DNAJC3: variants seen among roughly 807,000 people sequenced by gnomAD.
DNAJC3 encodes DnaJ heat shock protein family (Hsp40) member C3, also known as dnaJ homolog subfamily C member 3.
DNAJC3 carries 38 observed loss-of-function variants against 68.6 expected under a neutral mutation model. The ratio of observed to expected loss-of-function variants is 0.55; its 90% CI spans 0.43 to 0.73. The LOEUF (loss-of-function observed/expected upper bound fraction) is 0.73. DNAJC3 is among the 30% of genes least tolerant of loss of function. DNAJC3 has a pLI of 0.00. For missense variants in DNAJC3, 526 were observed against 591.9 expected, an observed-to-expected ratio of 0.89 and a Z score of 1.16; for synonymous variants, 203 against 204.0, an observed-to-expected ratio of 1.00 and a Z score of 0.04.
intron 1 of DNAJC3, among the ~76,000 whole-genome samples, chr13:95,685,811 T>G (rs1431872572): frequency 6.6e-6 from 1 of 151,962 alleles, no homozygotes; most frequent in Non-Finnish European, 1.5e-5. Flanking sequence ...TTTTAAGCTT[T>G]TTAGTAATAG....
At position 95,742,655 on chromosome 13, in the gene DNAJC3, T is replaced by C. The variant is rs777635305; in HGVS notation, c.394-14989T>C. The C allele has an allele frequency of 5.2e-5, 27 of 517,930 alleles. 1 individual carries two copies. The highest frequency in any genetic ancestry group is 3.8e-4 in the South Asian group (27 of 71,546). 32.1% of individuals were successfully genotyped at this position (517,930 alleles called of 1,614,324 possible). A position where few individuals can be genotyped will look rare whatever the true frequency, so the allele number is the denominator to read the frequency against. On this transcript the variant is annotated intron_variant, in intron 4 of 11. Transcript: ENST00000602402. ...TTAGGTGTTTCCTGTTCCTTCTCTGTTGGGACTCCAGCGTTCTCTCCTAGA... is the reference window on the plus strand; with the variant it reads ...TTAGGTGTTTCCTGTTCCTTCTCTGCTGGGACTCCAGCGTTCTCTCCTAGA...
intron 1 of DNAJC3, chr13:95,694,568 A>G (rs1880376392): frequency 6.6e-6 from 1 of 152,600 alleles, no homozygotes; most frequent in African/African-American, 2.4e-5. Context: ...TAAGAACACT[A>G]ATGATTAATA....
chr13:95,709,134 A>T (rs1880864127), intron 1 of DNAJC3, 93 bp from the exon 2 acceptor site: 2 of 887,984 alleles, frequency 2.3e-6, no homozygotes, highest in Non-Finnish European at 3.2e-6. Context: ...TGAGTAGATG[A>T]CTGAGACAGA....
chr13:95,778,564 C>T (rs940544665), intron 9 of DNAJC3, among the ~76,000 whole-genome samples: 1 of 152,136 alleles, frequency 6.6e-6, no homozygotes, highest in Non-Finnish European at 1.5e-5. Flanking sequence ...AGACATTTTG[C>T]TAAATTTAAT....
chr13:95,741,955 T>G (rs998414475), intron 4 of DNAJC3, among the ~76,000 whole-genome samples: 13 of 152,052 alleles, frequency 8.5e-5, no homozygotes, highest in Non-Finnish European at 1.5e-5. Context: ...TGTGTACAGG[T>G]GCTGGCTGTG....
At chr13:95,766,245 A>G (rs367803770) in intron 9 of DNAJC3, among the ~76,000 whole-genome samples, 1 of 152,330 alleles carries the variant, frequency 6.6e-6, no homozygotes, top group East Asian at 1.9e-4. Flanking sequence ...GAACATGGAC[A>G]TTTATTAATT....
intron 4 of DNAJC3, among the ~76,000 whole-genome samples, chr13:95,725,662 T>C (rs1881483567): frequency 6.6e-6 from 1 of 152,010 alleles, no homozygotes; most frequent in African/African-American, 2.4e-5. Flanking sequence ...AGATTCTTTT[T>C]TTTTTTCTCT....
chr13:95,693,544 C>T (rs1880341931), intron 1 of DNAJC3: 1 of 152,124 alleles, frequency 6.6e-6, no homozygotes. Flanking sequence ...GTATTATCCC[C>T]ACCTCTTCCC....
At chr13:95,768,511 T>C (rs1249572528) in intron 9 of DNAJC3, among the ~76,000 whole-genome samples, 1 of 152,244 alleles carries the variant, frequency 6.6e-6, no homozygotes, top group Non-Finnish European at 1.5e-5. Context: ...TAGATTGCTT[T>C]CTCTGGATGA....
chr13:95,725,365 TAGAC>T (rs1004967160), intron 4 of DNAJC3, 113 bp downstream of exon 4: 2 of 666,826 alleles, frequency 3.0e-6, no homozygotes, highest in African/African-American at 1.9e-5. Flanking sequence ...TCAATAGTCT[TAGAC>T]AGTAAATAGA....
At position 95,763,684 on chromosome 13, in the gene DNAJC3, CAG is replaced by C. The variant is rs1882890219; in HGVS notation, c.893_894del (p.Glu298AlafsTer5). On this transcript the variant is annotated frameshift_variant, in exon 8 of 12. Coordinates refer to ENST00000602402, the MANE Select transcript of DNAJC3 (RefSeq NM_006260.5). LOFTEE classifies it high-confidence loss of function. ...AGCAAATATGAATCTGTCATGAAAA[CAG>C]AGCCAAGCATTGCTGAATATACAGT... The C allele has an allele frequency of 6.2e-7, 1 of 1,613,850 alleles. No individual in the cohort carries two copies. The highest frequency in any genetic ancestry group is 1.7e-5 in the Admixed American group (1 of 59,998).
chr13:95,722,835 C>A (rs1043989279), intron 2 of DNAJC3, among the ~76,000 whole-genome samples: 4 of 29,390 alleles, frequency 1.4e-4, no homozygotes, highest in South Asian at 1.8e-3. Context: ...CCCCCCCCCC[C>A]CCCCGCCGAA....
chr13:95,711,430 G>A (rs1400498153), intron 2 of DNAJC3, among the ~76,000 whole-genome samples: 1 of 152,012 alleles, frequency 6.6e-6, no homozygotes, highest in Non-Finnish European at 1.5e-5. Flanking sequence ...CCAGGGGCCC[G>A]GAGGTTGCAG....
chr13:95,713,983 CAT>C (rs747610084), intron 2 of DNAJC3, among the ~76,000 whole-genome samples: 21 of 152,150 alleles, frequency 1.4e-4, no homozygotes, highest in Non-Finnish European at 2.8e-4. Context: ...TCAGGTGAAA[CAT>C]AAATAGTTGC....
At chr13:95,769,013 ATATCTATATCTATATCTAATCTAT>A (rs1395000578) in intron 9 of DNAJC3, among the ~76,000 whole-genome samples, 1,713 of 147,910 alleles carry the variant, frequency 0.012, 33 homozygotes, top group African/African-American at 0.043. Flanking sequence ...ATCTATATCT[ATATCTATATCTATATCTAATCTAT>A]ATCTATATCT....
chr13:95,705,555 G>A (rs1880711525), intron 1 of DNAJC3, among the ~76,000 whole-genome samples: 1 of 149,406 alleles, frequency 6.7e-6, no homozygotes, highest in South Asian at 2.1e-4. Context: ...CAGAGACAAG[G>A]TTTGCTCTGT....
At position 95,790,859 on chromosome 13, in the gene DNAJC3, T is replaced by C. The variant is rs1883746661; in HGVS notation, c.1358-14T>C. The stretch of plus-strand genomic sequence containing the variant: ...AGATATTATCTGGTTCTTAATTTTC[T>C]GATTTCTTTCTAGAAATGAGAAAGA... On this transcript the variant is annotated splice_polypyrimidine_tract_variant and intron_variant, in intron 11 of 11. Coordinates refer to ENST00000602402, the MANE Select transcript of DNAJC3 (RefSeq NM_006260.5). 2 of 1,606,726 alleles carry C rather than the reference T, an allele frequency of 1.2e-6. No homozygotes were observed. Among genetic ancestry groups the C allele is most frequent in the South Asian group, 1.1e-5 (1 of 89,282 alleles).
At chr13:95,691,055 C>T (rs573115306) in intron 1 of DNAJC3, among the ~76,000 whole-genome samples, 12 of 135,694 alleles carry the variant, frequency 8.8e-5, no homozygotes, top group South Asian at 4.9e-4. Flanking sequence ...AGCGGCTGGC[C>T]GGGCAGAGGG....
At chr13:95,758,007 G>A (rs1882715839) in intron 5 of DNAJC3, among the ~76,000 whole-genome samples, 1 of 152,158 alleles carries the variant, frequency 6.6e-6, no homozygotes, top group Admixed American at 6.5e-5. Context: ...TGTGGCATGA[G>A]AGTTAAATAT....
Sources: allele counts gnomAD v4.1 joint callset (sites outside exome capture counted in the v4.1 genomes callset), GRCh38; gene constraint gnomAD v4.1.1; transcripts MANE v1.5; gene names NCBI Gene and HGNC (gene_info 2026-07-23, HGNC 2026-07-21).